Variants in APBA1 observed in about 807,000 individuals in gnomAD.
APBA1 encodes amyloid-beta A4 precursor protein-binding family A member 1.
A neutral mutation model predicts 86.6 loss-of-function variants in APBA1; 55 were observed. The ratio of observed to expected loss-of-function variants is 0.64; its 90% confidence interval spans 0.51 to 0.80. The LOEUF is 0.80. Ranked by LOEUF, APBA1 falls within the 30% of genes least tolerant of loss-of-function variation. APBA1 has a pLI of 0.00. For missense variants in APBA1, 1,090 were observed against 1,183.0 expected (o/e 0.92, Z 1.15); for synonymous variants, 511 against 493.9 (o/e 1.03, Z -0.46).
intron 9 of APBA1, 62 bp from the exon 10 acceptor site, chr9:69,449,858 A>C: frequency 1.4e-6 from 2 of 1,457,530 alleles, no homozygotes; most frequent in Non-Finnish European, 1.9e-6. Context: ...GGTAGAAATG[A>C]AAGCCTCTCC....
intron 1 of APBA1, among the ~76,000 whole-genome samples, chr9:69,603,863 C>T (rs1046873871): frequency 1.8e-4 from 28 of 152,156 alleles, no homozygotes; most frequent in Admixed American, 9.8e-4. Flanking sequence ...ACCCTATGAA[C>T]GAACATCATG....
intron 1 of APBA1, among the ~76,000 whole-genome samples, chr9:69,580,368 C>T (rs1821890934): frequency 6.6e-6 from 1 of 152,124 alleles, no homozygotes; most frequent in Admixed American, 6.6e-5. Context: ...CAAGCCCTAG[C>T]AACCTTCATA....
At chr9:69,631,241 C>T (rs1422088295) in intron 1 of APBA1, among the ~76,000 whole-genome samples, 2 of 152,106 alleles carry the variant, frequency 1.3e-5, no homozygotes, top group South Asian at 2.1e-4. Flanking sequence ...AAAAAGTGGG[C>T]AAAGGATATG....
At chr9:69,444,740 T>C (rs916001888) in intron 10 of APBA1, among the ~76,000 whole-genome samples, 2 of 152,262 alleles carry the variant, frequency 1.3e-5, no homozygotes, top group Non-Finnish European at 2.9e-5. Flanking sequence ...GATATTTTTA[T>C]CTGCTTTGAG....
Position 69,481,521 on chromosome 9 carries a change from A to G in APBA1, c.1201-5378T>C, listed in dbSNP as rs972005348. Among the ~76,000 whole-genome samples the G allele has an allele frequency of 2.6e-5, 4 of 152,072 alleles. No homozygotes were observed. In the South Asian group the frequency reaches 8.3e-4, roughly 32 times the overall value. The stretch of plus-strand genomic sequence containing the variant: ...CCATGCTCATGGGTAGGAAGAATCA[A>G]TATCGTGAAAATGGTCATACTGCCC... On this transcript the variant is annotated intron_variant, in intron 2 of 12. Transcript: ENST00000265381.
intron 1 of APBA1, among the ~76,000 whole-genome samples, chr9:69,613,576 A>G (rs1184137243): frequency 6.6e-6 from 1 of 152,008 alleles, no homozygotes; most frequent in African/African-American, 2.4e-5. Flanking sequence ...TGAGGTGATA[A>G]CTCTTTCAAC....
At chr9:69,619,925 T>G (rs1322477619) in intron 1 of APBA1, among the ~76,000 whole-genome samples, 2 of 152,176 alleles carry the variant, frequency 1.3e-5, no homozygotes, top group African/African-American at 4.8e-5. Flanking sequence ...CATTTTCTGA[T>G]AAAAATAAAA....
intron 1 of APBA1, among the ~76,000 whole-genome samples, chr9:69,538,207 A>T (rs1288436284): frequency 6.6e-6 from 1 of 152,246 alleles, no homozygotes; most frequent in Non-Finnish European, 1.5e-5. Context: ...TCTAAAATCA[A>T]TTTAAGCAAT....
intron 6 of APBA1, among the ~76,000 whole-genome samples, chr9:69,457,545 G>A (rs1454893013): frequency 6.6e-6 from 1 of 152,134 alleles, no homozygotes; most frequent in Non-Finnish European, 1.5e-5. Flanking sequence ...GCTGATAGGA[G>A]ACAATGTTTA....
chr9:69,499,022 GCGGGT>G (rs1835842141), intron 2 of APBA1, among the ~76,000 whole-genome samples: 1 of 152,146 alleles, frequency 6.6e-6, no homozygotes, highest in African/African-American at 2.4e-5. Context: ...TGTCCCAGCA[GCGGGT>G]CCTTTGGTTC....
At chr9:69,600,506 T>A (rs1396338691) in intron 1 of APBA1, among the ~76,000 whole-genome samples, 2 of 152,122 alleles carry the variant, frequency 1.3e-5, no homozygotes, top group Admixed American at 6.5e-5. Context: ...TCTTCGTTTT[T>A]AAAATAGGGA....
In APBA1 at chr9:69,562,427, T is replaced by A. The variant is rs542201396; in HGVS notation, c.-69-45148A>T. Among the ~76,000 whole-genome samples, 4 of 151,866 alleles carry A rather than the reference T, an allele frequency of 2.6e-5. No homozygotes were observed. The South Asian group carries it at 8.3e-4, about 32-fold the overall frequency. On this transcript the variant is annotated intron_variant, in intron 1 of 12. Coordinates refer to ENST00000265381, the MANE Select transcript of APBA1 (RefSeq NM_001163.4). ...TCTCCCTCTGTCGCCCAGGCTGGAG[T>A]GCAGTGGCATGATCTCGGCTCACTG...
At chr9:69,576,100 T>C (rs1371017090) in intron 1 of APBA1, among the ~76,000 whole-genome samples, 2 of 152,028 alleles carry the variant, frequency 1.3e-5, no homozygotes, top group African/African-American at 4.8e-5. Context: ...AAAAGACACA[T>C]GAAAAAATGC....
At position 69,540,159 on chromosome 9, in the gene APBA1, A is replaced by AACAACAACAACAAC. The variant is rs1182538464; in HGVS notation, c.-69-22881_-69-22880insGTTGTTGTTGTTGT. 1.3e-4 allele frequency among the ~76,000 whole-genome samples: 11 copies of AACAACAACAACAAC among 86,546 alleles called. No homozygotes were observed. In the East Asian group the frequency reaches 1.5e-3, roughly 12 times the overall value. The allele number at this position is 86,546 out of a possible 152,430, so 56.8% of individuals were successfully genotyped here. ...ACAACAACAACAACAACAACAACAA[A>AACAACAACAACAAC]AGTCACCTTATAAGACATGCTCCCT... On this transcript the variant is annotated intron_variant, in intron 1 of 12. Coordinates refer to ENST00000265381, the MANE Select transcript of APBA1 (RefSeq NM_001163.4).
intron 2 of APBA1, among the ~76,000 whole-genome samples, chr9:69,486,546 G>T (rs1015044234): frequency 2.0e-5 from 3 of 152,086 alleles, no homozygotes; most frequent in Admixed American, 2.0e-4. Flanking sequence ...CTGTACAGTG[G>T]GGACACAGAG....
intron 4 of APBA1, among the ~76,000 whole-genome samples, chr9:69,471,344 C>T (rs1230199934): frequency 6.6e-6 from 1 of 152,150 alleles, no homozygotes; most frequent in African/African-American, 2.4e-5. Context: ...TGCACAGAGA[C>T]AGAATAAGGA....
In APBA1 at chr9:69,452,253, G is replaced by A; in HGVS notation, c.1837C>T (p.Gln613Ter). 6.2e-7 allele frequency: 1 copy of A among 1,614,216 alleles called. No individual in the cohort carries two copies. ...ATCCCATTGGCCCTGAGGAATTCCT[G>A]GTATGCCACGCTAAATGCCTGTCCG... ...SIGQAFSVAY[Q>*]EFLRANGINP... Residue 613 changes from glutamine to a stop codon, truncating the protein, a stop_gained, in exon 9 of 13, where the codon CAG becomes TAG. Coordinates refer to ENST00000265381, the MANE Select transcript of APBA1 (RefSeq NM_001163.4). LOFTEE classifies it high-confidence loss of function.
chr9:69,523,475 ATGTATATATATATATATATATG>A (rs1836286949), intron 1 of APBA1, among the ~76,000 whole-genome samples: 1 of 83,422 alleles, frequency 1.2e-5, no homozygotes, highest in African/African-American at 5.7e-5. Flanking sequence ...ATATATATAT[ATGTATATATATATATATATATG>A]TATATATATA....
intron 1 of APBA1, among the ~76,000 whole-genome samples, chr9:69,643,741 C>G (rs1823337569): frequency 6.6e-6 from 1 of 152,118 alleles, no homozygotes; most frequent in South Asian, 2.1e-4. Context: ...ATCCCAAAGC[C>G]CAGTGCAGGA....
Sources: gnomAD v4.1 joint callset for allele counts (sites outside exome capture counted in the v4.1 genomes callset) on GRCh38, gnomAD v4.1.1 for gene constraint, MANE v1.5 for transcripts, NCBI Gene and HGNC (gene_info 2026-07-23, HGNC 2026-07-21) for gene names.